SH3KBP1: variants seen among roughly 807,000 people sequenced by gnomAD.
The protein encoded by SH3KBP1 is SH3 domain-containing kinase-binding protein 1.
In SH3KBP1, 8 loss-of-function variants were observed where a neutral mutation model predicts 50.1. The ratio of observed to expected loss-of-function variants is 0.16; its 90% confidence interval spans 0.09 to 0.29. The LOEUF (loss-of-function observed/expected upper bound fraction) is 0.29, where lower values mean the gene tolerates loss of function less well. Among genes scored for constraint, SH3KBP1 ranks in the 10% least tolerant of loss-of-function variants. SH3KBP1 has a pLI of 1.00. For synonymous variants in SH3KBP1, 227 were observed against 218.6 expected (o/e 1.04, Z -0.34); for missense variants, 377 against 535.2 (o/e 0.70, Z 2.92).
At chrX:19,886,936 C>A (rs1296615469) in intron 1 of SH3KBP1, among the ~76,000 whole-genome samples, 2 of 109,444 alleles carry the variant, frequency 1.8e-5, no homozygotes, top group Non-Finnish European at 3.8e-5. Flanking sequence ...CCACCAGGTC[C>A]GGGTGCCCGT....
At chrX:19,794,813 A>C (rs1487300843) in intron 2 of SH3KBP1, among the ~76,000 whole-genome samples, 1 of 112,056 alleles carries the variant, frequency 8.9e-6, no homozygotes, top group Non-Finnish European at 1.9e-5. Context: ...CACAGTACAC[A>C]CTCATTAAAT....
At chrX:19,878,503 T>A (rs867265399) in intron 1 of SH3KBP1, among the ~76,000 whole-genome samples, 4 of 78,891 alleles carry the variant, frequency 5.1e-5, no homozygotes, top group African/African-American at 1.6e-4. Flanking sequence ...TGTGTGTGTG[T>A]GTGAGAGAGA....
chrX:19,803,954 C>T (rs1410217673), intron 2 of SH3KBP1, among the ~76,000 whole-genome samples: 1 of 111,162 alleles, frequency 9.0e-6, no homozygotes, highest in African/African-American at 3.3e-5. Context: ...AGGCGGATCA[C>T]GAGGTCAGGA....
At chrX:19,599,867 G>T (rs999670110) in intron 9 of SH3KBP1, among the ~76,000 whole-genome samples, 1 of 111,112 alleles carries the variant, frequency 9.0e-6, no homozygotes, top group East Asian at 2.8e-4. Context: ...TGCAACAGGC[G>T]CCAGGCGCGG....
chrX:19,877,458 G>A (rs1394720686), intron 1 of SH3KBP1, among the ~76,000 whole-genome samples: 4 of 111,866 alleles, frequency 3.6e-5, no homozygotes, highest in African/African-American at 1.3e-4. Flanking sequence ...AGGGCCAAGC[G>A]TCTCCGTCTA....
At chrX:19,618,123 C>T (rs1322225235) in intron 8 of SH3KBP1, among the ~76,000 whole-genome samples, 1 of 110,672 alleles carries the variant, frequency 9.0e-6, no homozygotes, top group Non-Finnish European at 1.9e-5. Context: ...CAGTGGCTCA[C>T]GTCTGTAATC....
chrX:19,718,221 T>C (rs960963429), intron 3 of SH3KBP1, among the ~76,000 whole-genome samples: 1 of 110,660 alleles, frequency 9.0e-6, no homozygotes, highest in African/African-American at 3.3e-5. Context: ...TTACTCCTGA[T>C]AACTCGGAAC....
chrX:19,543,025 G>C (rs1453857009), intron 15 of SH3KBP1, among the ~76,000 whole-genome samples: 1 of 112,149 alleles, frequency 8.9e-6, no homozygotes, highest in East Asian at 2.8e-4. Context: ...AAGCGGTCAG[G>C]GTTGGACCCA....
At chrX:19,588,311 A>C in intron 12 of SH3KBP1, 1 of 1,062,465 alleles carries the variant, frequency 9.4e-7, no homozygotes, top group Non-Finnish European at 1.2e-6. Context: ...GGGACACGCC[A>C]CCTGCATTTC....
At chrX:19,841,637 CA>C (rs1305481667) in intron 1 of SH3KBP1, among the ~76,000 whole-genome samples, 2 of 110,944 alleles carry the variant, frequency 1.8e-5, no homozygotes, top group Non-Finnish European at 3.8e-5. Flanking sequence ...CAGACTTCAC[CA>C]AAAAAGATCA....
At chrX:19,722,819 C>CAA (rs200955557) in intron 3 of SH3KBP1, among the ~76,000 whole-genome samples, 17 of 94,059 alleles carry the variant, frequency 1.8e-4, no homozygotes, top group East Asian at 3.2e-4. Context: ...ACCAGTTCTT[C>CAA]AAAAAAAAAA....
chrX:19,577,874 C>G (rs1457047106), intron 12 of SH3KBP1, among the ~76,000 whole-genome samples: 1 of 111,253 alleles, frequency 9.0e-6, no homozygotes, highest in Non-Finnish European at 1.9e-5. Flanking sequence ...GCAACACACC[C>G]CTCTCCGCCG....
chrX:19,587,074 T>C (rs1274256966), intron 12 of SH3KBP1, among the ~76,000 whole-genome samples: 3 of 109,175 alleles, frequency 2.7e-5, no homozygotes, highest in Non-Finnish European at 5.7e-5. Context: ...AATACAAAAT[T>C]AGCCAGGCGT....
rs59946901 is a variant in SH3KBP1 at position 19,563,464 on chromosome X, T to G, written c.1384+5639A>C. ...CTGAATTAGCTACGCCTCTGTAAGT[T>G]CGAGGAAGGAACCCAAAATGCTCAG... On this transcript the variant is annotated intron_variant, in intron 13 of 17. Coordinates refer to ENST00000397821, the MANE Select transcript of SH3KBP1 (RefSeq NM_031892.3). Among the ~76,000 whole-genome samples, 33 of 111,918 alleles carry G rather than the reference T, an allele frequency of 2.9e-4. No homozygotes were observed. In the East Asian group the frequency reaches 6.2e-3, roughly 21 times the overall value.
At chrX:19,551,525 CTTTCT>C (rs1287485228) in intron 13 of SH3KBP1, among the ~76,000 whole-genome samples, 1 of 104,809 alleles carries the variant, frequency 9.5e-6, no homozygotes, top group Non-Finnish European at 1.9e-5. Flanking sequence ...TTATTATTTT[CTTTCT>C]TTTCTTTCCC....
At chrX:19,637,464 A>G (rs981190927) in intron 7 of SH3KBP1, among the ~76,000 whole-genome samples, 3 of 112,018 alleles carry the variant, frequency 2.7e-5, no homozygotes, top group African/African-American at 9.7e-5. Flanking sequence ...AGATAGGATG[A>G]GAGCCATGCA....
At chrX:19,748,476 G>A (rs2064981181) in intron 2 of SH3KBP1, among the ~76,000 whole-genome samples, 1 of 111,366 alleles carries the variant, frequency 9.0e-6, no homozygotes, top group Non-Finnish European at 1.9e-5. Flanking sequence ...CTGATCAAGA[G>A]CAGGTGCTGA....
At chrX:19,716,565 T>C (rs1186765614) in intron 3 of SH3KBP1, among the ~76,000 whole-genome samples, 1 of 111,882 alleles carries the variant, frequency 8.9e-6, no homozygotes, top group Non-Finnish European at 1.9e-5. Flanking sequence ...TAGGGAACCA[T>C]TTATTAGAGC....
At chrX:19,607,665 G>T in intron 9 of SH3KBP1, among the ~76,000 whole-genome samples, 1 of 111,848 alleles carries the variant, frequency 8.9e-6, no homozygotes. Context: ...AGTTTATTTG[G>T]GTGCTGAAAT....
Sources: allele counts gnomAD v4.1 joint callset (sites outside exome capture counted in the v4.1 genomes callset), GRCh38; gene constraint gnomAD v4.1.1; transcripts MANE v1.5; gene names NCBI Gene and HGNC (gene_info 2026-07-23, HGNC 2026-07-21).